The following STK24 variants were observed in gnomAD, a reference collection of about 807,000 sequenced individuals.
The protein encoded by STK24 is serine/threonine kinase 24.
Under a neutral mutation model 55.6 loss-of-function variants are expected in STK24, and 21 were observed. The ratio of observed to expected loss-of-function variants is 0.38; its 90% CI spans 0.27 to 0.54. STK24 has a LOEUF of 0.54. Ranked by LOEUF, STK24 falls within the 20% of genes least tolerant of loss-of-function variation. The pLI is 0.79. For synonymous variants in STK24, 200 were observed against 215.2 expected, an observed-to-expected ratio of 0.93 and a Z score of 0.62; for missense variants, 383 against 538.4, an observed-to-expected ratio of 0.71 and a Z score of 2.86.
At chr13:98,489,164 C>G (rs1235872427) in intron 2 of STK24, among the ~76,000 whole-genome samples, 3 of 152,230 alleles carry the variant, frequency 2.0e-5, no homozygotes, top group Non-Finnish European at 4.4e-5. Context: ...CCATTGCCCC[C>G]GGGACTAATG....
chr13:98,493,261 A>T (rs1895112093), intron 2 of STK24, among the ~76,000 whole-genome samples: 1 of 152,214 alleles, frequency 6.6e-6, no homozygotes, highest in African/African-American at 2.4e-5. Flanking sequence ...ATGTACAGAG[A>T]TGTTCCTCTT....
At chr13:98,572,439 C>T (rs1186066004) in intron 1 of STK24, among the ~76,000 whole-genome samples, 1 of 152,090 alleles carries the variant, frequency 6.6e-6, no homozygotes, top group Admixed American at 6.6e-5. Flanking sequence ...GGAAAAGAAC[C>T]CGTGGAAATG....
chr13:98,524,460 A>G (rs1198563939), intron 1 of STK24, among the ~76,000 whole-genome samples: 2 of 152,212 alleles, frequency 1.3e-5, no homozygotes, highest in Non-Finnish European at 2.9e-5. Context: ...ATAAACATGC[A>G]GCCAACTGCT....
At chr13:98,511,758 A>G (rs934703277) in intron 2 of STK24, among the ~76,000 whole-genome samples, 3 of 152,124 alleles carry the variant, frequency 2.0e-5, no homozygotes, top group Non-Finnish European at 4.4e-5. Context: ...AGGACTGATC[A>G]GTGACTGCCA....
intron 2 of STK24, among the ~76,000 whole-genome samples, chr13:98,516,087 C>T (rs564956537): frequency 6.6e-6 from 1 of 152,276 alleles, no homozygotes; most frequent in South Asian, 2.1e-4. Flanking sequence ...CAGGAGGGTC[C>T]CCTTCTGGGC....
chr13:98,457,471 T>C (rs1211521970), intron 9 of STK24, among the ~76,000 whole-genome samples, 167 bp from the exon 10 acceptor site: 1 of 149,956 alleles, frequency 6.7e-6, no homozygotes. Context: ...ATTGCTTTTT[T>C]TTTTTTTTTT....
Position 98,473,246 on chromosome 13 carries a change from A to G in STK24, c.597+1575T>C, listed in dbSNP as rs142250530. On this transcript the variant is annotated intron_variant, in intron 5 of 10. Coordinates refer to ENST00000539966, the MANE Select transcript of STK24 (RefSeq NM_001032296.4). ...TAAATACAATAATGAAAGAGAGAGA[A>G]AGAGAGAAGGAAGGGGAGGAAGGAA... 1.0e-4 allele frequency among the ~76,000 whole-genome samples: 9 copies of G among 90,360 alleles called. No homozygotes were observed. The East Asian group carries it at 2.5e-3, about 25-fold the overall frequency. 59.3% of individuals were successfully genotyped at this position (90,360 alleles called of 152,430 possible). A position where few individuals can be genotyped will look rare whatever the true frequency, so the allele number is the denominator to read the frequency against.
At chr13:98,544,324 C>G (rs1896975867) in intron 1 of STK24, among the ~76,000 whole-genome samples, 1 of 152,186 alleles carries the variant, frequency 6.6e-6, no homozygotes, top group Admixed American at 6.5e-5. Context: ...ACACAGAAGT[C>G]CCCAGCAGGC....
intron 1 of STK24, among the ~76,000 whole-genome samples, chr13:98,537,601 T>C (rs1052417632): frequency 2.0e-5 from 3 of 152,084 alleles, no homozygotes; most frequent in Non-Finnish European, 4.4e-5. Flanking sequence ...CCCAGGTGCA[T>C]GCCAACAGCC....
rs1408590553 is a variant in STK24, at chr13:98,531,882, G to A, written c.43-12409C>T. On this transcript the variant is annotated intron_variant, in intron 1 of 10. Transcript: ENST00000539966. ...CAGGACAGTGCATCAGGAGAAAGAC[G>A]CTCGTGGGAACTATTTGCTCTGTGA... 3.3e-5 allele frequency among the ~76,000 whole-genome samples: 5 copies of A among 152,174 alleles called. No individual in the cohort carries two copies. The East Asian group carries it at 5.8e-4, about 18-fold the overall frequency.
intron 1 of STK24, among the ~76,000 whole-genome samples, chr13:98,561,539 G>A (rs115741267): frequency 0.011 from 1,595 of 138,736 alleles, 35 homozygotes; most frequent in African/African-American, 0.036. Context: ...CGAAGATCAC[G>A]TCACTGTACT....
intron 2 of STK24, among the ~76,000 whole-genome samples, chr13:98,501,154 TA>T (rs1259985087): frequency 6.6e-6 from 1 of 152,248 alleles, no homozygotes; most frequent in Non-Finnish European, 1.5e-5. Flanking sequence ...GCAAAGTGAC[TA>T]AAAACAATTC....
intron 1 of STK24, among the ~76,000 whole-genome samples, chr13:98,535,361 CAAAA>C (rs34537903): frequency 3.3e-4 from 21 of 64,108 alleles, no homozygotes; most frequent in African/African-American, 1.3e-3. Flanking sequence ...AACAAACAAA[CAAAA>C]AAAAAATATA....
intron 1 of STK24, among the ~76,000 whole-genome samples, chr13:98,534,653 T>C (rs1896663532): frequency 6.6e-6 from 1 of 152,196 alleles, no homozygotes; most frequent in African/African-American, 2.4e-5. Context: ...GCAGACCCAG[T>C]GTTCTGATGC....
intron 3 of STK24, among the ~76,000 whole-genome samples, chr13:98,480,480 A>T (rs1451363434): frequency 6.6e-6 from 1 of 152,214 alleles, no homozygotes; most frequent in East Asian, 1.9e-4. Context: ...TTATGTGTAC[A>T]TTTATGGAAA....
In STK24 at chr13:98,446,875, A is replaced by C; in HGVS notation, c.*6298T>G. The C allele has an allele frequency of 5.4e-5, 83 of 1,541,996 alleles. No homozygotes were observed. The highest frequency in any genetic ancestry group is 1.7e-4 in the Middle Eastern group (1 of 5,824). On this transcript the variant is annotated 3_prime_UTR_variant, in exon 11 of 11. Transcript: ENST00000539966. ...CAGAAGAGGACCCCCTCTTCCAAAC[A>C]TCAGGATTTCTCCCAAGTCAGCGAG...
At chr13:98,516,529 C>G (rs1166247569) in intron 2 of STK24, among the ~76,000 whole-genome samples, 1 of 152,184 alleles carries the variant, frequency 6.6e-6, no homozygotes, top group Non-Finnish European at 1.5e-5. Flanking sequence ...CATTTCTTAG[C>G]CTCTCCTGGG....
intron 2 of STK24, among the ~76,000 whole-genome samples, chr13:98,498,841 G>A (rs7334007): frequency 6.6e-6 from 1 of 152,220 alleles, no homozygotes; most frequent in African/African-American, 2.4e-5. Flanking sequence ...AAACAGGACA[G>A]AGCCAGGCTG....
At chr13:98,467,486 C>CTAA (rs775394395) in intron 5 of STK24, among the ~76,000 whole-genome samples, 8 of 152,154 alleles carry the variant, frequency 5.3e-5, no homozygotes, top group African/African-American at 7.2e-5. Context: ...TGCCAGGTCG[C>CTAA]TAAGGCTCTT....
Sources: gnomAD v4.1 joint callset for allele counts (sites outside exome capture counted in the v4.1 genomes callset) on GRCh38, gnomAD v4.1.1 for gene constraint, MANE v1.5 for transcripts, NCBI Gene and HGNC (gene_info 2026-07-23, HGNC 2026-07-21) for gene names.